TRMT9B: variants seen among roughly 807,000 people sequenced by gnomAD.
TRMT9B encodes the protein probable tRNA methyltransferase 9B.
Under a neutral mutation model 11.5 loss-of-function variants are expected in TRMT9B, and 16 were observed. The ratio of observed to expected loss-of-function variants is 1.39; its 90% CI spans 0.94 to 2.11. The LOEUF (loss-of-function observed/expected upper bound fraction) is 2.11, where lower values mean the gene tolerates loss of function less well. Among genes scored for constraint, TRMT9B ranks in the 30% most tolerant of loss-of-function variants. The pLI is 0.00. For missense variants in TRMT9B, 941 were observed against 553.8 expected (o/e 1.70, Z -7.02); for synonymous variants, 274 against 192.4 (o/e 1.42, Z -3.51).
intron 1 of TRMT9B, among the ~76,000 whole-genome samples, chr8:12,982,111 G>C (rs1805495882): frequency 6.6e-6 from 1 of 152,128 alleles, no homozygotes; most frequent in Non-Finnish European, 1.5e-5. Context: ...ACCTCTCCAT[G>C]TCTTTGCCCT....
At chr8:12,987,564 C>A (rs190697679) in intron 1 of TRMT9B, among the ~76,000 whole-genome samples, 1 of 151,930 alleles carries the variant, frequency 6.6e-6, no homozygotes, top group Non-Finnish European at 1.5e-5. Flanking sequence ...GTGGTACACG[C>A]CTATAGTCCC....
At chr8:12,984,999 A>G (rs1026427028) in intron 1 of TRMT9B, among the ~76,000 whole-genome samples, 1 of 147,312 alleles carries the variant, frequency 6.8e-6, no homozygotes, top group Non-Finnish European at 1.5e-5. Flanking sequence ...TCTCTCTCTC[A>G]CACTCCCCAC....
At chr8:12,993,256 G>T (rs1324791085) in intron 2 of TRMT9B, among the ~76,000 whole-genome samples, 4 of 152,206 alleles carry the variant, frequency 2.6e-5, no homozygotes. Context: ...TCAAGAAGGA[G>T]TGAATATTAT....
At chr8:12,979,426 A>G (rs888491950) in intron 1 of TRMT9B, among the ~76,000 whole-genome samples, 2 of 152,184 alleles carry the variant, frequency 1.3e-5, no homozygotes, top group Admixed American at 6.5e-5. Context: ...CAGTGAGCCA[A>G]TATCATGCCA....
chr8:12,954,965 C>T (rs1168810357), intron 1 of TRMT9B, among the ~76,000 whole-genome samples: 1 of 152,078 alleles, frequency 6.6e-6, no homozygotes, highest in Non-Finnish European at 1.5e-5. Flanking sequence ...CTGTGGGGAG[C>T]AAATGAATAG....
rs1367582829 is a variant in TRMT9B, at chr8:13,028,082, T to C, written c.*6038T>C. The C allele has an allele frequency of 1.2e-5, 2 of 166,996 alleles. No homozygotes were observed. The highest frequency in any genetic ancestry group is 2.4e-5 in the African/African-American group (1 of 41,436). The allele number at this position is 166,996 out of a possible 1,614,324, so 10.3% of individuals were successfully genotyped here. ...GATCAAAGAGAAGATTCTAGCTGAA[T>C]TGTTCTATTTTTAATTCCCCAGGGA... is the stretch of plus-strand genomic sequence containing the variant. On this transcript the variant is annotated 3_prime_UTR_variant, in exon 5 of 5. Transcript: ENST00000524591.
Position 12,979,435 on chromosome 8 carries a change from C to G in TRMT9B, c.-199-11399C>G, listed in dbSNP as rs560461832. ...AGGTTGCAGTGAGCCAATATCATGC[C>G]ACTGCACTCCAGGCTGGGCGACAGG... On this transcript the variant is annotated intron_variant, in intron 1 of 4. Transcript: ENST00000524591. 2.4e-3 allele frequency among the ~76,000 whole-genome samples: 368 copies of G among 152,194 alleles called. 3 individuals are homozygous for G. The highest frequency in any genetic ancestry group is 4.6e-3 in the Non-Finnish European group (310 of 68,010).
chr8:12,970,600 G>C (rs1042028263), intron 1 of TRMT9B, among the ~76,000 whole-genome samples: 1 of 152,230 alleles, frequency 6.6e-6, no homozygotes, highest in Non-Finnish European at 1.5e-5. Flanking sequence ...GGCTTGCAAT[G>C]TATTCAAATG....
rs373538351 is a variant in TRMT9B, at chr8:13,025,030, A to G, written c.*2986A>G. The stretch of plus-strand genomic sequence containing the variant: ...ATAAACGTAGACAGTTGATTTGTGA[A>G]TGCTGTCGGCCTCAACTTGCTTGAT... On this transcript the variant is annotated 3_prime_UTR_variant, in exon 5 of 5. Transcript: ENST00000524591. The G allele has an allele frequency of 3.0e-5, 5 of 167,072 alleles. No homozygotes were observed. The highest frequency in any genetic ancestry group is 1.2e-4 in the African/African-American group (5 of 41,446). 10.3% of individuals were successfully genotyped at this position (167,072 alleles called of 1,614,324 possible).
At chr8:12,975,911 GT>G (rs1804372625) in intron 1 of TRMT9B, among the ~76,000 whole-genome samples, 1 of 152,132 alleles carries the variant, frequency 6.6e-6, no homozygotes, top group African/African-American at 2.4e-5. Context: ...AAGAGTAAAA[GT>G]TGGGGGCAAT....
chr8:12,976,976 C>G (rs571813809), intron 1 of TRMT9B, among the ~76,000 whole-genome samples: 2 of 152,216 alleles, frequency 1.3e-5, no homozygotes, highest in African/African-American at 4.8e-5. Context: ...TATGCCTGCT[C>G]ATGCCCCAGA....
At chr8:13,015,815 G>C (rs540872841) in intron 4 of TRMT9B, among the ~76,000 whole-genome samples, 153 of 152,206 alleles carry the variant, frequency 1.0e-3, no homozygotes, top group African/African-American at 3.4e-3. Context: ...CTTGCCCTCA[G>C]AGAAAATGGA....
intron 4 of TRMT9B, among the ~76,000 whole-genome samples, chr8:13,013,775 C>A (rs1231275189): frequency 1.3e-5 from 2 of 151,918 alleles, no homozygotes; most frequent in Admixed American, 1.3e-4. Flanking sequence ...ACATGTGAAA[C>A]CCCATCTCTA....
chr8:13,005,743 A>G (rs1432955118), intron 2 of TRMT9B, among the ~76,000 whole-genome samples: 1 of 152,224 alleles, frequency 6.6e-6, no homozygotes, highest in Non-Finnish European at 1.5e-5. Flanking sequence ...TAAAAGCAGT[A>G]CTGATACAGA....
intron 1 of TRMT9B, among the ~76,000 whole-genome samples, chr8:12,973,908 C>T (rs1399355405): frequency 6.6e-6 from 1 of 152,104 alleles, no homozygotes; most frequent in African/African-American, 2.4e-5. Context: ...ACCTGTAATC[C>T]TAGTACTTTG....
At chr8:12,984,404 C>A (rs1256867788) in intron 1 of TRMT9B, among the ~76,000 whole-genome samples, 2 of 152,160 alleles carry the variant, frequency 1.3e-5, no homozygotes, top group Non-Finnish European at 2.9e-5. Flanking sequence ...TTAATTCAGC[C>A]TTAGAAAAAT....
At chr8:13,000,272 G>A (rs547954852) in intron 2 of TRMT9B, among the ~76,000 whole-genome samples, 2 of 152,314 alleles carry the variant, frequency 1.3e-5, no homozygotes, top group South Asian at 4.1e-4. Flanking sequence ...GTAGAAAAAT[G>A]TTAGCCTAAT....
chr8:12,991,659 G>A (rs766790240), intron 2 of TRMT9B, among the ~76,000 whole-genome samples: 5 of 152,118 alleles, frequency 3.3e-5, no homozygotes, highest in African/African-American at 9.7e-5. Flanking sequence ...CTGGCTGGGC[G>A]CATTGGCTCA....
intron 3 of TRMT9B, among the ~76,000 whole-genome samples, chr8:13,009,834 T>G (rs938787556): frequency 6.6e-6 from 1 of 152,114 alleles, no homozygotes; most frequent in Admixed American, 6.6e-5. Context: ...CGCTACAAAT[T>G]ACACTACAGA....
Sources: gnomAD v4.1 joint callset for allele counts (sites outside exome capture counted in the v4.1 genomes callset) on GRCh38, gnomAD v4.1.1 for gene constraint, MANE v1.5 for transcripts, NCBI Gene and HGNC (gene_info 2026-07-23, HGNC 2026-07-21) for gene names.